Variants in DZIP3 observed in about 807,000 individuals in gnomAD.
DZIP3 encodes DAZ interacting zinc finger protein 3.
In DZIP3, 118 loss-of-function variants were observed where a neutral mutation model predicts 162.0. The observed-to-expected ratio is 0.73, with a 90% CI of 0.63 to 0.85. DZIP3 has a LOEUF of 0.85. Ranked by LOEUF, DZIP3 falls within the 40% of genes least tolerant of loss-of-function variation. DZIP3 has a pLI of 0.00. For synonymous variants in DZIP3, 438 were observed against 458.6 expected, an observed-to-expected ratio of 0.96 and a Z score of 0.57; for missense variants, 1,331 against 1,407.0, an observed-to-expected ratio of 0.95 and a Z score of 0.86.
At position 108,688,052 on chromosome 3, in the gene DZIP3, AT is replaced by A. The variant is rs1181068407; in HGVS notation, c.3228del (p.Ile1076MetfsTer74). On this transcript the variant is annotated frameshift_variant, in exon 29 of 33. Transcript: ENST00000361582. LOFTEE classifies it high-confidence loss of function. The part of the protein sequence containing the change: ...KSLSELTFDE[I>X]VCKISQFIDP... ...CTTGTCTGAACTGACATTTGATGAA[AT>A]TGTTTGCAAGATTTCCCAGTTTATT... 1 of 1,613,716 alleles carries A rather than the reference AT, an allele frequency of 6.2e-7. No homozygotes were observed. The highest frequency in any genetic ancestry group is 1.7e-5 in the Admixed American group (1 of 60,016).
intron 28 of DZIP3, among the ~76,000 whole-genome samples, 165 bp downstream of exon 28, chr3:108,686,749 A>T (rs1006871381): frequency 6.6e-6 from 1 of 152,144 alleles, no homozygotes; most frequent in Admixed American, 6.6e-5. Flanking sequence ...CCAAGAAGAG[A>T]CAGTGTTCAA....
chr3:108,690,869 A>C lies in DZIP3; in HGVS notation c.3599A>C (p.His1200Pro), dbSNP rs1266489716. The C allele has an allele frequency of 6.2e-7, 1 of 1,614,118 alleles. No individual in the cohort carries two copies. ...HVLLPEEFPGHPSRQLPKI is the reference protein window; with the variant it reads ...HVLLPEEFPGPPSRQLPKI ...TTGCTACCAGAAGAATTCCCTGGTC[A>C]CCCCAGCCGGCAGTTGCCCAAGATC... The change falls in exon 32 of 33, where the codon CAC becomes CCC. Residue 1200 changes from histidine (H) to proline (P), a missense_variant. By Grantham distance (77) the His-to-Pro change is moderately conservative. This residue lies in a region of DZIP3 where 53 missense variants were observed against 89.9 expected (regional missense o/e 0.59). Coordinates refer to ENST00000361582, the MANE Select transcript of DZIP3 (RefSeq NM_014648.4).
At chr3:108,606,113 A>G (rs1361759429) in intron 2 of DZIP3, among the ~76,000 whole-genome samples, 2 of 152,214 alleles carry the variant, frequency 1.3e-5, no homozygotes, top group Non-Finnish European at 1.5e-5. Flanking sequence ...GTGTTTTTAC[A>G]TTATGTTTTA....
chr3:108,647,918 T>G, intron 15 of DZIP3, 25 bp from the exon 16 acceptor site: 10 of 1,460,646 alleles, frequency 6.8e-6, no homozygotes, highest in South Asian at 1.6e-5. Context: ...ATCTAGATTT[T>G]GAGAATTTTG....
chr3:108,686,365 T>C, intron 27 of DZIP3, 80 bp from the exon 28 acceptor site: 2 of 1,362,946 alleles, frequency 1.5e-6, no homozygotes, highest in Non-Finnish European at 1.9e-6. Flanking sequence ...CGCTTCTTCA[T>C]TGTACCCATT....
chr3:108,647,050 G>C (rs1274503749), intron 15 of DZIP3, among the ~76,000 whole-genome samples: 1 of 151,608 alleles, frequency 6.6e-6, no homozygotes, highest in Non-Finnish European at 1.5e-5. Flanking sequence ...CAAAAAAAAA[G>C]AACTTGGAAA....
chr3:108,600,763 C>T (rs1270865622), intron 1 of DZIP3, among the ~76,000 whole-genome samples: 1 of 152,082 alleles, frequency 6.6e-6, no homozygotes, highest in Admixed American at 6.6e-5. Context: ...AGCATTTAAT[C>T]TTTACAACCC....
intron 18 of DZIP3, among the ~76,000 whole-genome samples, chr3:108,652,487 TATG>T (rs1942908876): frequency 6.6e-6 from 1 of 151,896 alleles, no homozygotes; most frequent in African/African-American, 2.4e-5. Flanking sequence ...AGACCTCAGA[TATG>T]ATGGTGGTCC....
At chr3:108,642,549 A>C (rs1301224759) in intron 13 of DZIP3, 35 bp downstream of exon 13, 4 of 1,413,890 alleles carry the variant, frequency 2.8e-6, no homozygotes, top group Middle Eastern at 1.8e-4. Flanking sequence ...TCTGTTGAAA[A>C]GTATGTTAAA....
intron 19 of DZIP3, among the ~76,000 whole-genome samples, chr3:108,661,418 A>G (rs1286365530): frequency 6.6e-6 from 1 of 152,170 alleles, no homozygotes; most frequent in East Asian, 1.9e-4. Context: ...TCTCACTCAT[A>G]GGTGGGAATT....
At chr3:108,631,494 A>G (rs1217121936) in intron 8 of DZIP3, among the ~76,000 whole-genome samples, 1 of 151,054 alleles carries the variant, frequency 6.6e-6, no homozygotes, top group Non-Finnish European at 1.5e-5. Context: ...CTTTTCCTTC[A>G]GCCTCCCAAG....
At chr3:108,643,129 A>G (rs1024293038) in intron 13 of DZIP3, among the ~76,000 whole-genome samples, 1 of 152,236 alleles carries the variant, frequency 6.6e-6, no homozygotes, top group Non-Finnish European at 1.5e-5. Context: ...CGTTAATTTA[A>G]TAAATCTCTT....
chr3:108,659,390 A>G (rs1050350492), intron 19 of DZIP3, among the ~76,000 whole-genome samples: 4 of 151,982 alleles, frequency 2.6e-5, no homozygotes, highest in African/African-American at 9.7e-5. Flanking sequence ...CAAAAACCAC[A>G]TGATATCTCA....
intron 18 of DZIP3, 132 bp from the exon 19 acceptor site, chr3:108,654,013 T>C: frequency 1.1e-6 from 1 of 897,458 alleles, no homozygotes; most frequent in Non-Finnish European, 1.7e-6. Context: ...TATCCAAACT[T>C]CCTTTGATCA....
Position 108,631,055 on chromosome 3 carries a change from A to ACACACATACACTCT in DZIP3, c.696+1880_696+1881insACACATACACTCTC. ...CACACACACACACACACACACACAC[A>ACACACATACACTCT]CTCTCTCTCTCTCTCTCTCTCTCTC... On this transcript the variant is annotated intron_variant, in intron 8 of 32. Transcript: ENST00000361582. Among the ~76,000 whole-genome samples, 67 of 18,018 alleles carry ACACACATACACTCT rather than the reference A, an allele frequency of 3.7e-3. 3 individuals are homozygous for ACACACATACACTCT. Among genetic ancestry groups the ACACACATACACTCT allele is most frequent in the Admixed American group, 6.8e-3 (8 of 1,180 alleles). 11.8% of individuals were successfully genotyped at this position (18,018 alleles called of 152,430 possible). A position where few individuals can be genotyped will look rare whatever the true frequency, so the allele number is the denominator to read the frequency against.
chr3:108,652,696 A>G (rs2107236513), intron 18 of DZIP3, among the ~76,000 whole-genome samples: 1 of 151,946 alleles, frequency 6.6e-6, no homozygotes, highest in East Asian at 1.9e-4. Flanking sequence ...CAGTCCTACA[A>G]GCTGCATTCA....
chr3:108,649,423 C>T (rs1175727647), intron 17 of DZIP3, among the ~76,000 whole-genome samples: 3 of 151,716 alleles, frequency 2.0e-5, no homozygotes, highest in Non-Finnish European at 4.4e-5. Flanking sequence ...AAACTTCTTG[C>T]GTTGCTGCTT....
chr3:108,619,292 ATATGTGTG>A (rs1392578002), intron 5 of DZIP3, among the ~76,000 whole-genome samples: 1 of 142,654 alleles, frequency 7.0e-6, no homozygotes, highest in African/African-American at 2.6e-5. Context: ...GTGTGTGGGT[ATATGTGTG>A]TATGTGTGTG....
chr3:108,654,714 A>G (rs1295853544), intron 19 of DZIP3, among the ~76,000 whole-genome samples: 2 of 152,146 alleles, frequency 1.3e-5, no homozygotes. Context: ...GTTACCATAA[A>G]ATGTCTACAG....
Sources: allele counts gnomAD v4.1 joint callset (sites outside exome capture counted in the v4.1 genomes callset), GRCh38; gene constraint gnomAD v4.1.1; regional missense constraint gnomAD v4.1.1; transcripts MANE v1.5; gene names NCBI Gene and HGNC (gene_info 2026-07-23, HGNC 2026-07-21).